The following SIX4 variants were observed in gnomAD, a reference collection of about 807,000 sequenced individuals.
SIX4 encodes the protein SIX homeobox 4, also known as homeobox protein SIX4.
Under a neutral mutation model 51.5 loss-of-function variants are expected in SIX4, and 23 were observed. The observed-to-expected ratio is 0.45, with a 90% CI of 0.32 to 0.63. The LOEUF is 0.63. Among genes scored for constraint, SIX4 ranks in the 30% least tolerant of loss-of-function variants. SIX4 has a pLI of 0.04. For synonymous variants in SIX4, 413 were observed against 417.3 expected, an observed-to-expected ratio of 0.99 and a Z score of 0.13; for missense variants, 867 against 984.0, an observed-to-expected ratio of 0.88 and a Z score of 1.59.
chr14:60,717,993 C>T lies in SIX4; in HGVS notation c.1549+1767G>A. On this transcript the variant is annotated intron_variant, in intron 2 of 2. Transcript: ENST00000216513. The surrounding 1 kb of genome is among the most constrained non-coding windows in gnomAD (Gnocchi z 4.6). ...CGCCACTGTACTCCAGCCTGGGTGA[C>T]AAAATGAGTCTCCGCCTAAAAATAA... 1 of 236,694 alleles carries T rather than the reference C, an allele frequency of 4.2e-6. No homozygotes were observed. Among genetic ancestry groups the T allele is most frequent in the South Asian group, 5.1e-5 (1 of 19,504 alleles). 14.7% of individuals were successfully genotyped at this position (236,694 alleles called of 1,614,324 possible).
In SIX4 at chr14:60,723,337, G is replaced by T; in HGVS notation, c.738C>A (p.Arg246=). ...NALKELYKQN[R]YPSPAEKRHL... ...GCCGCTTCTCGGCGGGCGAAGGGTA[G>T]CGATTCTGCTTGTAGAGCTCCTTGA... is the stretch of plus-strand genomic sequence containing the variant. The change falls in exon 1 of 3, where the codon CGC becomes CGA. Residue 246 remains arginine (R), a synonymous_variant. Coordinates refer to ENST00000216513, the MANE Select transcript of SIX4 (RefSeq NM_017420.5). 6.2e-7 allele frequency: 1 copy of T among 1,612,458 alleles called. No homozygotes were observed.
Position 60,722,576 on chromosome 14 carries a change from C to A in SIX4, c.863+636G>T, listed in dbSNP as rs2140272374. On this transcript the variant is annotated intron_variant, in intron 1 of 2. Transcript: ENST00000216513. This position sits in a 1 kb window ranked among gnomAD's most constrained non-coding sequence, Gnocchi z 5.9. ...ACGTTGCCGCGGCCGCTAAGGGAAC[C>A]ATAGGGGCAGGGTGAATGATTAACT... 6.6e-6 allele frequency among the ~76,000 whole-genome samples: 1 copy of A among 152,306 alleles called. No homozygotes were observed. The highest frequency in any genetic ancestry group is 6.5e-5 in the Admixed American group (1 of 15,310).
At chr14:60,721,643 G>T (rs1430728053) in intron 1 of SIX4, among the ~76,000 whole-genome samples, 1 of 147,066 alleles carries the variant, frequency 6.8e-6, no homozygotes, top group African/African-American at 2.5e-5. Context: ...GGGTGGGGCG[G>T]GGGGGACGAA....
chr14:60,723,110 G>A (rs1438988333), intron 1 of SIX4, 102 bp downstream of exon 1: 3 of 1,436,938 alleles, frequency 2.1e-6, no homozygotes, highest in Middle Eastern at 2.6e-4. Flanking sequence ...GACCAGGCTG[G>A]TGGGGAAGGT....
At chr14:60,716,731 T>A (rs1165556760) in intron 2 of SIX4, among the ~76,000 whole-genome samples, 3 of 152,170 alleles carry the variant, frequency 2.0e-5, no homozygotes, top group Non-Finnish European at 2.9e-5. Flanking sequence ...TTAAAGGTAA[T>A]TAATTCACCT....
At position 60,724,341 on chromosome 14, in the gene SIX4, T is replaced by G; in HGVS notation, c.-267A>C. 1 of 1,445,122 alleles carries G rather than the reference T, an allele frequency of 6.9e-7. No homozygotes were observed. 89.5% of individuals were successfully genotyped at this position (1,445,122 alleles called of 1,614,324 possible). On this transcript the variant is annotated 5_prime_UTR_variant, in exon 1 of 3. An upstream start codon of the reference 5' UTR is lost. Transcript: ENST00000216513. ...CAACGTGACTCCTCCGGTTGCTGCA[T>G]ACTATATGGCAGTGGCGGCCGGGCC...
chr14:60,721,216 G>T, intron 1 of SIX4: 1 of 944,952 alleles, frequency 1.1e-6, no homozygotes, highest in Non-Finnish European at 1.3e-6. Flanking sequence ...CAACGTCCTT[G>T]GTCCCTCTGT....
In SIX4 at chr14:60,724,047, T is replaced by C; in HGVS notation, c.28A>G (p.Ile10Val). The C allele has an allele frequency of 6.5e-7, 1 of 1,534,856 alleles. No homozygotes were observed. The highest frequency in any genetic ancestry group is 8.8e-7 in the Non-Finnish European group (1 of 1,140,366). Residue 10 changes from isoleucine to valine, a missense_variant, in exon 1 of 3, where the codon ATC (isoleucine) becomes GTC (valine). Transcript: ENST00000216513. ...TGCTTGATGTCCGCCGCACTTGCGA[T>C]CTGCCCGGTGGGGGAGGAAGAGGAC... The part of the protein sequence containing the change: MSSSSPTGQ[I>V]ASAADIKQEN...
chr14:60,713,904 T>A lies in SIX4; in HGVS notation c.1849A>T (p.Thr617Ser). ...GAGGGACTGAGAGAAAAATTGTGAG[T>A]TGGAGATACATTAACTAATGAGGAG... Reference protein sequence around the residue: ...LASSLVNVSPTHNFSLSPSTL... With the variant: ...LASSLVNVSPSHNFSLSPSTL... Residue 617 changes from threonine (T) to serine (S), a missense_variant, in exon 3 of 3, where the codon ACT becomes TCT. By Grantham distance (58) the Thr-to-Ser change is moderately conservative. Coordinates refer to ENST00000216513, the MANE Select transcript of SIX4 (RefSeq NM_017420.5). The A allele has an allele frequency of 6.2e-7, 1 of 1,614,062 alleles. No homozygotes were observed. The highest frequency in any genetic ancestry group is 8.5e-7 in the Non-Finnish European group (1 of 1,180,000).
chr14:60,714,553 C>T (rs182284243), intron 2 of SIX4, among the ~76,000 whole-genome samples: 2 of 152,274 alleles, frequency 1.3e-5, no homozygotes, highest in East Asian at 3.9e-4. Flanking sequence ...CCTGTGTTCC[C>T]CATCTTTCAT....
chr14:60,713,521 G>A lies in SIX4; in HGVS notation c.2232C>T (p.Ser744=). 6.2e-7 allele frequency: 1 copy of A among 1,614,142 alleles called. No individual in the cohort carries two copies. The highest frequency in any genetic ancestry group is 1.1e-5 in the South Asian group (1 of 91,076). ...CAACCATGCCATCTAAGACATACTT[G>A]GATTTAGAGTCCAGCATCATTAAGC... ...TSSLMMLDSK[S]KYVLDGMVDT... Residue 744 remains serine (S), a synonymous_variant, in exon 3 of 3, where the codon TCC becomes TCT. Coordinates refer to ENST00000216513, the MANE Select transcript of SIX4 (RefSeq NM_017420.5).
Position 60,713,081 on chromosome 14 carries a change from A to G in SIX4, c.*326T>C, listed in dbSNP as rs1294340537. ...TCTATGTTAGGTGTATACATTTTTT[A>G]ATTTAAAAAACTATCAAGTTCCATT... On this transcript the variant is annotated 3_prime_UTR_variant, in exon 3 of 3. Transcript: ENST00000216513. 4 of 203,920 alleles carry G rather than the reference A, an allele frequency of 2.0e-5. No individual in the cohort carries two copies. The East Asian group carries it at 3.7e-4, about 19-fold the overall frequency. The allele number at this position is 203,920 out of a possible 1,614,324, so 12.6% of individuals were successfully genotyped here. A position where few individuals can be genotyped will look rare whatever the true frequency, so the allele number is the denominator to read the frequency against.
rs185711466 is a variant in SIX4, at chr14:60,714,767, G to A, written c.1550-564C>T. Among the ~76,000 whole-genome samples the A allele has an allele frequency of 6.6e-5, 10 of 151,554 alleles. No homozygotes were observed. The East Asian group carries it at 1.9e-3, about 29-fold the overall frequency. ...TGCAACCTCTGCCTCCTGGGTTCAA[G>A]TGATTCTCCTGCCTCAGCCTCCCAA... On this transcript the variant is annotated intron_variant, in intron 2 of 2. Transcript: ENST00000216513.
At position 60,722,226 on chromosome 14, in the gene SIX4, C is replaced by G. The variant is rs746953972; in HGVS notation, c.863+986G>C. 3.3e-5 allele frequency among the ~76,000 whole-genome samples: 5 copies of G among 152,200 alleles called. No homozygotes were observed. The highest frequency in any genetic ancestry group is 7.3e-5 in the Non-Finnish European group (5 of 68,032). Reference sequence around the variant, plus strand: ...TTTCGTCCAACAAAACACACAGACGCACACACCAAGTGTCTGACTCGGGAG... The same window carrying G: ...TTTCGTCCAACAAAACACACAGACGGACACACCAAGTGTCTGACTCGGGAG... On this transcript the variant is annotated intron_variant, in intron 1 of 2. Coordinates refer to ENST00000216513, the MANE Select transcript of SIX4 (RefSeq NM_017420.5). The surrounding 1 kb of genome is among the most constrained non-coding windows in gnomAD (Gnocchi z 5.9).
At chr14:60,716,505 C>T (rs141072814) in intron 2 of SIX4, among the ~76,000 whole-genome samples, 3,673 of 151,968 alleles carry the variant, frequency 0.024, 139 homozygotes, top group African/African-American at 0.083. Flanking sequence ...CCCGCCTCGG[C>T]CTCCCAAAGT....
rs1895807870 is a variant in SIX4 at position 60,710,947 on chromosome 14, AG to A, written c.*2459del. The A allele has an allele frequency of 6.6e-6, 1 of 152,404 alleles. No individual in the cohort carries two copies. Among genetic ancestry groups the A allele is most frequent in the African/African-American group, 2.4e-5 (1 of 41,418 alleles). The allele number at this position is 152,404 out of a possible 1,614,324, so 9.4% of individuals were successfully genotyped here. On this transcript the variant is annotated 3_prime_UTR_variant, in exon 3 of 3. Transcript: ENST00000216513. ...TTTTCTTTTTCATAAGGGAGAAAAG[AG>A]GAAGAACACTGAATAAAAGAGAGGC... is the stretch of plus-strand genomic sequence containing the variant.
At chr14:60,716,981 TTC>T (rs1895931144) in intron 2 of SIX4, among the ~76,000 whole-genome samples, 1 of 152,236 alleles carries the variant, frequency 6.6e-6, no homozygotes, top group African/African-American at 2.4e-5. Context: ...TCTCTTACAT[TTC>T]TGTTTCAGAC....
At chr14:60,716,462 A>G (rs1019156223) in intron 2 of SIX4, among the ~76,000 whole-genome samples, 1 of 151,892 alleles carries the variant, frequency 6.6e-6, no homozygotes, top group Non-Finnish European at 1.5e-5. Flanking sequence ...CATGTTGGTC[A>G]GGCTGGTCTC....
In SIX4 at chr14:60,723,080, C is replaced by T. The variant is rs1392731344; in HGVS notation, c.863+132G>A. ...GCCGGCCGGGGAGCGAGGTAGGGGGCGGGGAGAGGTGGGCAGCCGGACCAG... is the reference window on the plus strand; with the variant it reads ...GCCGGCCGGGGAGCGAGGTAGGGGGTGGGGAGAGGTGGGCAGCCGGACCAG... On this transcript the variant is annotated intron_variant, in intron 1 of 2. Coordinates refer to ENST00000216513, the MANE Select transcript of SIX4 (RefSeq NM_017420.5). 2.9e-6 allele frequency: 4 copies of T among 1,394,630 alleles called. No homozygotes were observed. In the South Asian group the frequency reaches 6.3e-5, roughly 22 times the overall value. 86.4% of individuals were successfully genotyped at this position (1,394,630 alleles called of 1,614,324 possible).
Sources: allele counts gnomAD v4.1 joint callset (sites outside exome capture counted in the v4.1 genomes callset), GRCh38; gene constraint gnomAD v4.1.1; non-coding constraint Gnocchi (gnomAD v3.1); transcripts MANE v1.5; gene names NCBI Gene and HGNC (gene_info 2026-07-23, HGNC 2026-07-21).